LGMN: variants seen among roughly 807,000 people sequenced by gnomAD.
The protein encoded by LGMN is legumain.
A neutral mutation model predicts 56.8 loss-of-function variants in LGMN; 36 were observed. The ratio of observed to expected loss-of-function variants is 0.63; its 90% confidence interval spans 0.49 to 0.84. The LOEUF is 0.84. Among genes scored for constraint, LGMN ranks in the 40% least tolerant of loss-of-function variants. The pLI is 0.00. For synonymous variants in LGMN, 199 were observed against 210.1 expected (o/e 0.95, Z 0.46); for missense variants, 446 against 556.1 (o/e 0.80, Z 1.99).
chr14:92,704,636 T>C lies in LGMN; in HGVS notation c.1259+4A>G. ...CTTTCAAGCGTCACCGCTGCATTAG[T>C]TACCTGTGAAGCGGATACGGCTTCT... On this transcript the variant is annotated splice_donor_region_variant and intron_variant, in intron 13 of 13. Transcript: ENST00000334869. The C allele has an allele frequency of 6.2e-7, 1 of 1,608,788 alleles. No homozygotes were observed. Among genetic ancestry groups the C allele is most frequent in the Non-Finnish European group, 8.5e-7 (1 of 1,175,188 alleles).
chr14:92,721,097 G>A (rs1292178359), intron 2 of LGMN, among the ~76,000 whole-genome samples: 7 of 152,120 alleles, frequency 4.6e-5, no homozygotes, highest in Non-Finnish European at 1.0e-4. Context: ...TCGCTATGTT[G>A]CTTTGGCTGG....
In LGMN at chr14:92,719,391, C is replaced by A. The variant is rs368981508; in HGVS notation, c.139-547G>T. Among the ~76,000 whole-genome samples, 188 of 150,752 alleles carry A rather than the reference C, an allele frequency of 1.2e-3. 4 individuals carry two copies. Among genetic ancestry groups the A allele is most frequent in the African/African-American group, 4.3e-3 (176 of 40,904 alleles). On this transcript the variant is annotated intron_variant, in intron 2 of 13. Transcript: ENST00000334869. ...CCACCACCAACACCGCCACCAACAC[C>A]GCCACCAACACCGCCACCACTACCA...
intron 1 of LGMN, among the ~76,000 whole-genome samples, chr14:92,737,192 G>C (rs1256311467): frequency 6.6e-6 from 1 of 152,132 alleles, no homozygotes; most frequent in African/African-American, 2.4e-5. Context: ...CCAAGTACTT[G>C]CATTTTTCTA....
rs370814777 is a variant in LGMN, at chr14:92,718,727, T to G, written c.236+20A>C. 6.5e-7 allele frequency: 1 copy of G among 1,545,750 alleles called. No homozygotes were observed. Among genetic ancestry groups the G allele is most frequent in the African/African-American group, 1.4e-5 (1 of 73,588 alleles). On this transcript the variant is annotated intron_variant, in intron 3 of 13. Transcript: ENST00000334869. ...ACCCTGAAGTCCTTCCCCACCAAGT[T>G]CCAAGTGTTCCCCACTTACTCTTCA...
intron 1 of LGMN, among the ~76,000 whole-genome samples, chr14:92,746,902 G>T (rs187682697): frequency 1.7e-3 from 256 of 152,264 alleles, no homozygotes; most frequent in African/African-American, 5.5e-3. Flanking sequence ...CGGGCGTGGT[G>T]GCGGGCGCCT....
chr14:92,742,885 T>C (rs940420374), intron 1 of LGMN: 3 of 151,708 alleles, frequency 2.0e-5, no homozygotes, highest in African/African-American at 7.3e-5. Flanking sequence ...TCTCTGCAAA[T>C]ACAGCCAGCA....
chr14:92,728,412 C>G (rs529273746), intron 2 of LGMN, among the ~76,000 whole-genome samples: 2 of 152,310 alleles, frequency 1.3e-5, no homozygotes, highest in Admixed American at 6.5e-5. Flanking sequence ...CTAGGCCATC[C>G]ACCTGTACTG....
At position 92,737,805 on chromosome 14, in the gene LGMN, A is replaced by G. The variant is rs920532066; in HGVS notation, c.-29-4990T>C. On this transcript the variant is annotated intron_variant, in intron 1 of 13. Transcript: ENST00000334869. Reference sequence around the variant, plus strand: ...TAAACAAAAGAATAGGTTATGTTCCAATAAAACTTTATCTATAAAATAGGT... The same window carrying G: ...TAAACAAAAGAATAGGTTATGTTCCGATAAAACTTTATCTATAAAATAGGT... 2.6e-5 allele frequency among the ~76,000 whole-genome samples: 4 copies of G among 152,248 alleles called. No individual in the cohort carries two copies. The East Asian group carries it at 7.7e-4, about 29-fold the overall frequency.
rs370463651 is a variant in LGMN, at chr14:92,714,316, G to A, written c.480+60C>T. On this transcript the variant is annotated intron_variant, in intron 6 of 13. Transcript: ENST00000334869. The surrounding 1 kb of genome is among the most constrained non-coding windows in gnomAD (Gnocchi z 5.1). ...AAATACACGCTATGGGTTTAATCTC[G>A]ACACCTAGGCTTGCTTTTCTGTTCT... 2.2e-4 allele frequency: 264 copies of A among 1,199,400 alleles called. 2 individuals carry two copies. Among genetic ancestry groups the A allele is most frequent in the South Asian group, 1.1e-3 (89 of 80,214 alleles). 74.3% of individuals were successfully genotyped at this position (1,199,400 alleles called of 1,614,324 possible).
At chr14:92,718,117 C>T (rs1890163729) in intron 3 of LGMN, among the ~76,000 whole-genome samples, 1 of 152,162 alleles carries the variant, frequency 6.6e-6, no homozygotes, top group African/African-American at 2.4e-5. Flanking sequence ...ACGTGCAGGT[C>T]CCCTGTGCTG....
Position 92,717,409 on chromosome 14 carries a change from GA to G in LGMN, c.288del (p.Gln97ArgfsTer21). 6.2e-7 allele frequency: 1 copy of G among 1,613,038 alleles called. No individual in the cohort carries two copies. ...CCAGTGTAGTCCTTCGGGACTCCCTGATAGACATCTGTGCCATTGGGCCTGT... is the reference window on the plus strand; with the variant it reads ...CCAGTGTAGTCCTTCGGGACTCCCTGTAGACATCTGTGCCATTGGGCCTGT... ...VINRPNGTDV[Y>X]QGVPKDYTGE... On this transcript the variant is annotated frameshift_variant, in exon 4 of 14. Transcript: ENST00000334869. LOFTEE classifies it high-confidence loss of function.
At chr14:92,710,722 C>A (rs78938133) in intron 10 of LGMN, among the ~76,000 whole-genome samples, 186 of 152,334 alleles carry the variant, frequency 1.2e-3, no homozygotes, top group African/African-American at 4.1e-3. Context: ...GTGAAGAGAA[C>A]GGAAAGCCCA....
At position 92,709,716 on chromosome 14, in the gene LGMN, C is replaced by G. The variant is rs966955719; in HGVS notation, c.976G>C (p.Glu326Gln). ...TCCTCCGTGAGCTGCCTGGACTCCTCCAGATCATTGGTGTTCATCAGTTTC... is the reference window on the plus strand; with the variant it reads ...TCCTCCGTGAGCTGCCTGGACTCCTGCAGATCATTGGTGTTCATCAGTTTC... Reference protein sequence around the residue: ...KRKLMNTNDLEESRQLTEEIQ... With the variant: ...KRKLMNTNDLQESRQLTEEIQ... The change falls in exon 11 of 14, where the codon GAG becomes CAG. Residue 326 changes from glutamate to glutamine, a missense_variant. Physicochemically the swap from Glu to Gln is conservative, Grantham distance 29 (BLOSUM62 2). Coordinates refer to ENST00000334869, the MANE Select transcript of LGMN (RefSeq NM_005606.7). 6.2e-7 allele frequency: 1 copy of G among 1,613,900 alleles called. No individual in the cohort carries two copies. Among genetic ancestry groups the G allele is most frequent in the Non-Finnish European group, 8.5e-7 (1 of 1,179,906 alleles).
At chr14:92,711,115 C>T (rs1042537886) in intron 10 of LGMN, among the ~76,000 whole-genome samples, 2 of 152,226 alleles carry the variant, frequency 1.3e-5, no homozygotes, top group Non-Finnish European at 2.9e-5. Context: ...AAGCTTTTAG[C>T]AGCCACTTAC....
Position 92,735,179 on chromosome 14 carries a change from G to C in LGMN, c.-29-2364C>G, listed in dbSNP as rs139063193. Among the ~76,000 whole-genome samples the C allele has an allele frequency of 2.4e-4, 37 of 152,282 alleles. 1 individual carries two copies. Among genetic ancestry groups the C allele is most frequent in the African/African-American group, 7.9e-4 (33 of 41,564 alleles). Reference sequence around the variant, plus strand: ...CCTGGGGATCTAGGAGGCAGATTCTGATTCAGTAGGCCTGGGGCAGGGCCT... The same window carrying C: ...CCTGGGGATCTAGGAGGCAGATTCTCATTCAGTAGGCCTGGGGCAGGGCCT... On this transcript the variant is annotated intron_variant, in intron 1 of 13. Transcript: ENST00000334869.
intron 1 of LGMN, among the ~76,000 whole-genome samples, chr14:92,736,850 G>C (rs1312559168): frequency 6.6e-6 from 1 of 152,046 alleles, no homozygotes; most frequent in South Asian, 2.1e-4. Flanking sequence ...CGAAGGTAAG[G>C]AACCAATACA....
intron 2 of LGMN, among the ~76,000 whole-genome samples, chr14:92,729,127 CT>C (rs55843490): frequency 0.15 from 16,356 of 110,468 alleles, 743 homozygotes; most frequent in Admixed American, 0.19. Context: ...CTCAGCTTTT[CT>C]TTTTTTTTTT....
At chr14:92,732,455 C>T in intron 2 of LGMN, 194 bp downstream of exon 2, 2 of 598,630 alleles carry the variant, frequency 3.3e-6, no homozygotes, top group Non-Finnish European at 5.7e-6. Flanking sequence ...AATGGCTACA[C>T]CATCTTATAA....
chr14:92,737,830 T>C (rs910186941), intron 1 of LGMN, among the ~76,000 whole-genome samples: 1 of 152,100 alleles, frequency 6.6e-6, no homozygotes, highest in Admixed American at 6.5e-5. Context: ...ATAAAATAGG[T>C]GGTTTGTTTG....
Sources: gnomAD v4.1 joint callset for allele counts (sites outside exome capture counted in the v4.1 genomes callset) on GRCh38, gnomAD v4.1.1 for gene constraint, Gnocchi (gnomAD v3.1) non-coding constraint, MANE v1.5 for transcripts, NCBI Gene and HGNC (gene_info 2026-07-23, HGNC 2026-07-21) for gene names.